Variants in LYRM4 observed in about 807,000 individuals in gnomAD.
LYRM4 encodes LYR motif containing 4.
In LYRM4, 9 loss-of-function variants were observed where a neutral mutation model predicts 11.7. The ratio of observed to expected loss-of-function variants is 0.77; its 90% CI spans 0.46 to 1.34. The LOEUF (loss-of-function observed/expected upper bound fraction) is 1.34, where lower values mean the gene tolerates loss of function less well. Ranked by LOEUF, LYRM4 falls within the 40% of genes most tolerant of loss-of-function variation. The pLI is 0.00. For missense variants in LYRM4, 133 were observed against 112.5 expected (o/e 1.18, Z -0.82); for synonymous variants, 42 against 40.4 (o/e 1.04, Z -0.15).
chr6:5,228,521 A>G (rs968914716), intron 1 of LYRM4, among the ~76,000 whole-genome samples: 8 of 152,004 alleles, frequency 5.3e-5, no homozygotes, highest in African/African-American at 1.9e-4. Flanking sequence ...CAGGTAGTCC[A>G]CCTGCCTTGG....
chr6:5,087,359 CCT>C, the LYRM4 span: 1 of 152,272 alleles, frequency 6.6e-6, no homozygotes, highest in Admixed American at 6.5e-5. Context: ...TTCGTTCCTT[CCT>C]CTCTACTGCG....
the LYRM4 span, among the ~76,000 whole-genome samples, chr6:5,070,757 A>G: frequency 6.6e-6 from 1 of 151,048 alleles, no homozygotes; most frequent in South Asian, 2.1e-4. Context: ...CATGCCTGTC[A>G]GCTACTTGGG....
At chr6:5,085,428 A>G in the LYRM4 span, 3 of 1,259,782 alleles carry the variant, frequency 2.4e-6, no homozygotes, top group Non-Finnish European at 3.3e-6. Flanking sequence ...CCGAGGAGTT[A>G]GTTAAGTCTC....
chr6:5,064,969 AC>A, the LYRM4 span, among the ~76,000 whole-genome samples: 1 of 152,192 alleles, frequency 6.6e-6, no homozygotes, highest in Non-Finnish European at 1.5e-5. Flanking sequence ...TTACGTATCC[AC>A]CATTACAGTG....
intron 1 of LYRM4, among the ~76,000 whole-genome samples, chr6:5,250,608 A>G (rs1241504333): frequency 1.3e-5 from 2 of 152,240 alleles, no homozygotes; most frequent in Admixed American, 6.5e-5. Context: ...TTAGGCACAC[A>G]TGAATCACCT....
At chr6:5,182,009 C>CA (rs1260033097) in intron 2 of LYRM4, among the ~76,000 whole-genome samples, 1 of 152,008 alleles carries the variant, frequency 6.6e-6, no homozygotes, top group Admixed American at 6.6e-5. Context: ...TTGAACCAAG[C>CA]AAAAAAATAC....
At chr6:5,175,099 C>A (rs185331670) in intron 2 of LYRM4, among the ~76,000 whole-genome samples, 62 of 152,308 alleles carry the variant, frequency 4.1e-4, no homozygotes, top group Non-Finnish European at 4.9e-4. Context: ...GCATTCCAGA[C>A]CCCAATGTGG....
intron 2 of LYRM4, among the ~76,000 whole-genome samples, chr6:5,153,136 C>T (rs890142292): frequency 2.0e-5 from 3 of 152,094 alleles, no homozygotes; most frequent in Non-Finnish European, 4.4e-5. Flanking sequence ...CTCGTTCTGT[C>T]GTTCAGGCTG....
At chr6:5,048,996 G>A in the LYRM4 span, among the ~76,000 whole-genome samples, 1 of 152,154 alleles carries the variant, frequency 6.6e-6, no homozygotes, top group Non-Finnish European at 1.5e-5. Flanking sequence ...GAGGAAGTTG[G>A]GATAAACCTT....
chr6:5,110,150 C>T (rs1356122819), intron 2 of LYRM4, among the ~76,000 whole-genome samples: 1 of 152,152 alleles, frequency 6.6e-6, no homozygotes, highest in Non-Finnish European at 1.5e-5. Flanking sequence ...AAGGGTCTTG[C>T]CACAGTTTTT....
chr6:5,134,505 G>A (rs1366394774), intron 2 of LYRM4, among the ~76,000 whole-genome samples: 1 of 152,190 alleles, frequency 6.6e-6, no homozygotes, highest in Non-Finnish European at 1.5e-5. Context: ...TAAGGAATTA[G>A]CATTATTTTG....
chr6:5,202,119 T>C (rs567661090), intron 2 of LYRM4, among the ~76,000 whole-genome samples: 2 of 152,382 alleles, frequency 1.3e-5, no homozygotes, highest in African/African-American at 4.8e-5. Context: ...TTTTTGCAGG[T>C]GCTCAATTAA....
chr6:5,150,116 T>C (rs1451423757), intron 2 of LYRM4, among the ~76,000 whole-genome samples: 1 of 152,212 alleles, frequency 6.6e-6, no homozygotes, highest in Non-Finnish European at 1.5e-5. Context: ...TAAGAGGCAG[T>C]AATGCACCGC....
At chr6:5,183,302 T>C (rs22662) in intron 2 of LYRM4, among the ~76,000 whole-genome samples, 22,929 of 152,032 alleles carry the variant, frequency 0.15, 5,335 homozygotes, top group African/African-American at 0.5. Flanking sequence ...ACAACATCCT[T>C]CATCTGCTGT....
At chr6:5,240,304 TAAC>T (rs1175476065) in intron 1 of LYRM4, among the ~76,000 whole-genome samples, 1 of 152,168 alleles carries the variant, frequency 6.6e-6, no homozygotes, top group Non-Finnish European at 1.5e-5. Context: ...GTATTTACAT[TAAC>T]ACTACTCCCC....
At chr6:5,190,701 G>T (rs1760702990) in intron 2 of LYRM4, among the ~76,000 whole-genome samples, 1 of 152,062 alleles carries the variant, frequency 6.6e-6, no homozygotes, top group South Asian at 2.1e-4. Context: ...ATTGTGCAAT[G>T]CATTACTCAT....
At chr6:5,192,028 C>T (rs190396030) in intron 2 of LYRM4, among the ~76,000 whole-genome samples, 1 of 152,204 alleles carries the variant, frequency 6.6e-6, no homozygotes, top group East Asian at 1.9e-4. Flanking sequence ...AGAGCTAATG[C>T]ATGCAATGCT....
the LYRM4 span, among the ~76,000 whole-genome samples, chr6:5,075,929 C>T: frequency 4.0e-5 from 6 of 148,866 alleles, no homozygotes; most frequent in East Asian, 7.8e-4. Flanking sequence ...CCCCTGCTAA[C>T]TGGGTTTATG....
chr6:5,158,245 A>C (rs1758535064), intron 2 of LYRM4, among the ~76,000 whole-genome samples: 1 of 152,218 alleles, frequency 6.6e-6, no homozygotes, highest in Non-Finnish European at 1.5e-5. Context: ...TACCGATATA[A>C]GAGTAATTAA....
Sources: gnomAD v4.1 joint callset for allele counts (sites outside exome capture counted in the v4.1 genomes callset) on GRCh38, gnomAD v4.1.1 for gene constraint, MANE v1.5 for transcripts, NCBI Gene and HGNC (gene_info 2026-07-23, HGNC 2026-07-21) for gene names.